AFF1: variants seen among roughly 807,000 people sequenced by gnomAD.
AFF1 encodes ALF transcription elongation factor 1, also known as AF4/FMR2 family member 1.
AFF1 carries 48 observed loss-of-function variants against 121.7 expected under a neutral mutation model. The observed-to-expected ratio is 0.39, with a 90% CI of 0.31 to 0.50. AFF1 has a LOEUF of 0.50. Among genes scored for constraint, AFF1 ranks in the 20% least tolerant of loss-of-function variants. AFF1 has a pLI of 0.76. For missense variants in AFF1, 1,523 were observed against 1,511.7 expected (o/e 1.01, Z -0.12); for synonymous variants, 613 against 563.0 (o/e 1.09, Z -1.26).
chr4:87,011,618 G>T lies in AFF1; in HGVS notation c.39-34548G>T, dbSNP rs533070825. Among the ~76,000 whole-genome samples, 8 of 152,352 alleles carry T rather than the reference G, an allele frequency of 5.3e-5. No individual in the cohort carries two copies. The South Asian group carries it at 1.7e-3, about 32-fold the overall frequency. On this transcript the variant is annotated intron_variant, in intron 2 of 20. Coordinates refer to ENST00000395146, the MANE Select transcript of AFF1 (RefSeq NM_001166693.3). The stretch of plus-strand genomic sequence containing the variant: ...TTTGGAAAGTACAGTTCAAAGAAGA[G>T]ATTTTGGGATGGAAATAATTTATGT...
Position 87,114,733 on chromosome 4 carries a change from C to T in AFF1, c.1900C>T (p.Pro634Ser), listed in dbSNP as rs1391954063. 1.2e-6 allele frequency: 2 copies of T among 1,613,800 alleles called. No individual in the cohort carries two copies. The highest frequency in any genetic ancestry group is 2.7e-5 in the African/African-American group (2 of 74,888). ...SRTSLQGERE[P>S]GLLPYGSRDQ... ...GACCAGCCTGCAGGGGGAAAGGGAG[C>T]CAGGGCTTCTTCCCTATGGCTCCCG... The change falls in exon 12 of 21, where the codon CCA becomes TCA. Residue 634 changes from proline to serine, a missense_variant. This residue lies in a region of AFF1 where 905 missense variants were observed against 842.5 expected (regional missense o/e 1.07). Transcript: ENST00000395146.
intron 8 of AFF1, among the ~76,000 whole-genome samples, chr4:87,103,575 T>C (rs1725632900): frequency 6.6e-6 from 1 of 152,238 alleles, no homozygotes; most frequent in Non-Finnish European, 1.5e-5. Flanking sequence ...AGGCTTATTT[T>C]GTTACTATCT....
intron 19 of AFF1, among the ~76,000 whole-genome samples, chr4:87,133,597 T>G (rs892148500): frequency 6.6e-6 from 1 of 152,208 alleles, no homozygotes; most frequent in Non-Finnish European, 1.5e-5. Flanking sequence ...ACTGAGCACC[T>G]TCTTCATACC....
intron 10 of AFF1, among the ~76,000 whole-genome samples, chr4:87,106,926 T>C (rs941922407): frequency 6.6e-6 from 1 of 152,208 alleles, no homozygotes. Flanking sequence ...TGTTCAGTAA[T>C]TTCTGGTGGG....
chr4:87,134,044 A>G (rs954674252), intron 19 of AFF1, among the ~76,000 whole-genome samples: 1 of 152,240 alleles, frequency 6.6e-6, no homozygotes, highest in African/African-American at 2.4e-5. Context: ...GAAAAGAGAG[A>G]TGTTCAAGTG....
Position 86,951,614 on chromosome 4 carries a change from TCTTTTTTTC to T in AFF1, c.38+3044_38+3052del, listed in dbSNP as rs1560497209. On this transcript the variant is annotated intron_variant, in intron 2 of 20. Coordinates refer to ENST00000395146, the MANE Select transcript of AFF1 (RefSeq NM_001166693.3). ...GGAACTTTTTTTTCTTTTTCTTTTT[TCTTTTTTTC>T]TTTTTTTTTTTTTTTTTTGAGACGG... Among the ~76,000 whole-genome samples, 2 of 109,538 alleles carry T rather than the reference TCTTTTTTTC, an allele frequency of 1.8e-5. 1 individual carries two copies. The highest frequency in any genetic ancestry group is 6.5e-5 in the African/African-American group (2 of 30,578). 71.9% of individuals were successfully genotyped at this position (109,538 alleles called of 152,430 possible).
At chr4:87,008,091 A>T (rs1012691743) in intron 2 of AFF1, among the ~76,000 whole-genome samples, 2 of 152,224 alleles carry the variant, frequency 1.3e-5, no homozygotes, top group African/African-American at 4.8e-5. Context: ...AAGAAGAGTG[A>T]TGACAAGGCA....
At chr4:86,976,078 A>G (rs1163836739) in intron 2 of AFF1, among the ~76,000 whole-genome samples, 1 of 152,198 alleles carries the variant, frequency 6.6e-6, no homozygotes, top group African/African-American at 2.4e-5. Flanking sequence ...GTTAAGTTCA[A>G]TGATGGAGGG....
At chr4:86,968,808 G>A (rs1300802884) in intron 2 of AFF1, among the ~76,000 whole-genome samples, 1 of 152,188 alleles carries the variant, frequency 6.6e-6, no homozygotes, top group African/African-American at 2.4e-5. Flanking sequence ...ATAACACATG[G>A]GTGAAGGAGA....
At chr4:87,118,540 G>T (rs1442625595) in intron 12 of AFF1, among the ~76,000 whole-genome samples, 1 of 152,080 alleles carries the variant, frequency 6.6e-6, no homozygotes, top group Non-Finnish European at 1.5e-5. Flanking sequence ...TTAGAGACAG[G>T]GTCTCGCTCT....
At chr4:86,965,670 T>A (rs756155620) in intron 2 of AFF1, among the ~76,000 whole-genome samples, 8 of 152,106 alleles carry the variant, frequency 5.3e-5, no homozygotes, top group Non-Finnish European at 1.0e-4. Flanking sequence ...TCCTTAAGAG[T>A]TACTTGGCTC....
At chr4:87,042,735 CTTAAT>C (rs1730284520) in intron 2 of AFF1, among the ~76,000 whole-genome samples, 2 of 152,118 alleles carry the variant, frequency 1.3e-5, no homozygotes, top group Non-Finnish European at 2.9e-5. Flanking sequence ...AACTAGAATC[CTTAAT>C]TTAATAGGAT....
rs1726133128 is a variant in AFF1 at position 87,108,323 on chromosome 4, G to GT, written c.1533+10dup. On this transcript the variant is annotated intron_variant, in intron 11 of 20. Transcript: ENST00000395146. Reference sequence around the variant, plus strand: ...GAAACCCCAGCTCCGGAGGTACCGTGTTCCCCCTCGAGATGGCCACCTTAG... The same window carrying GT: ...GAAACCCCAGCTCCGGAGGTACCGTGTTTCCCCCTCGAGATGGCCACCTTAG... The GT allele has an allele frequency of 6.2e-7, 1 of 1,611,420 alleles. No individual in the cohort carries two copies.
intron 1 of AFF1, among the ~76,000 whole-genome samples, chr4:86,945,633 T>C (rs1720807280): frequency 6.6e-6 from 1 of 151,418 alleles, no homozygotes; most frequent in Admixed American, 6.6e-5. Context: ...CCTCAGTAGC[T>C]AGGACTACAG....
At chr4:86,940,781 A>G (rs1019091872) in intron 1 of AFF1, among the ~76,000 whole-genome samples, 1 of 151,912 alleles carries the variant, frequency 6.6e-6, no homozygotes, top group South Asian at 2.1e-4. Flanking sequence ...TCTTTCCCCT[A>G]ATCATTAGAA....
intron 7 of AFF1, among the ~76,000 whole-genome samples, chr4:87,092,357 G>A (rs995445460): frequency 8.5e-5 from 13 of 152,184 alleles, no homozygotes; most frequent in Non-Finnish European, 1.8e-4. Flanking sequence ...AACAAATGCA[G>A]TGTGGTATTA....
chr4:86,949,724 A>AG, intron 2 of AFF1: 1 of 1,593,188 alleles, frequency 6.3e-7, no homozygotes, highest in Non-Finnish European at 8.6e-7. Flanking sequence ...GAACTCCTTC[A>AG]GGTAGCTGCG....
intron 2 of AFF1, among the ~76,000 whole-genome samples, chr4:87,029,171 T>C (rs1432405531): frequency 6.6e-6 from 1 of 152,214 alleles, no homozygotes; most frequent in African/African-American, 2.4e-5. Context: ...AACTTTGATA[T>C]AAATATTGTG....
chr4:86,948,951 G>A (rs563054099), intron 2 of AFF1, among the ~76,000 whole-genome samples: 1 of 152,066 alleles, frequency 6.6e-6, no homozygotes, highest in African/African-American at 2.4e-5. Context: ...GTGAAGGAGG[G>A]AATTCCTTCA....
Sources: allele counts gnomAD v4.1 joint callset (sites outside exome capture counted in the v4.1 genomes callset), GRCh38; gene constraint gnomAD v4.1.1; regional missense constraint gnomAD v4.1.1; transcripts MANE v1.5; gene names NCBI Gene and HGNC (gene_info 2026-07-23, HGNC 2026-07-21).